CDC20: variants seen among roughly 807,000 people sequenced by gnomAD.
CDC20 encodes the protein cell division cycle 20.
In CDC20, 34 loss-of-function variants were observed where a neutral mutation model predicts 60.0. The ratio of observed to expected loss-of-function variants is 0.57; its 90% CI spans 0.43 to 0.75. CDC20 has a LOEUF of 0.75. Ranked by LOEUF, CDC20 falls within the 30% of genes least tolerant of loss-of-function variation. The pLI is 0.00. For missense variants in CDC20, 469 were observed against 647.3 expected (o/e 0.72, Z 2.99); for synonymous variants, 198 against 243.5 (o/e 0.81, Z 1.74).
At chr1:43,362,874 G>T (rs1205619021) in intron 10 of CDC20, 77 bp from the exon 11 acceptor site, 1 of 1,106,570 alleles carries the variant, frequency 9.0e-7, no homozygotes, top group Non-Finnish European at 1.3e-6. Context: ...AAACAAAAAG[G>T]TAGGTGGGTG....
chr1:43,361,324 T>A (rs1322332040), intron 9 of CDC20, 79 bp downstream of exon 9: 1 of 1,365,118 alleles, frequency 7.3e-7, no homozygotes, highest in African/African-American at 1.5e-5. Flanking sequence ...CTTCACCAAC[T>A]CTATGCCCTG....
rs760396935 is a variant in CDC20 at position 43,360,060 on chromosome 1, C to A, written c.519C>A (p.Asp173Glu). The A allele has an allele frequency of 1.2e-6, 2 of 1,614,118 alleles. No individual in the cohort carries two copies. Among genetic ancestry groups the A allele is most frequent in the African/African-American group, 1.3e-5 (1 of 74,934 alleles). Residue 173 changes from aspartate (D) to glutamate (E), a missense_variant, in exon 5 of 11, where the codon GAC (aspartate) becomes GAA (glutamate). Around this residue, in one of 5 missense-constraint regions of CDC20, gnomAD observed 255 missense variants for 326.7 expected, o/e 0.78. Coordinates refer to ENST00000310955, the MANE Select transcript of CDC20 (RefSeq NM_001255.3). ...GCCGTTACATTCCTTCCCTGCCAGA[C>A]CGTATCCTGGATGCGCCTGAAATCC... ...KTCRYIPSLP[D>E]RILDAPEIRN...
At chr1:43,361,027 A>C (rs1456391038) in intron 8 of CDC20, 66 bp downstream of exon 8, 9 of 1,597,742 alleles carry the variant, frequency 5.6e-6, no homozygotes, top group South Asian at 1.1e-5. Context: ...TTAAGGGGAG[A>C]AGGGATGGTA....
chr1:43,359,269 A>T lies in CDC20; in HGVS notation c.54A>T (p.Ala18=). 1 of 1,611,884 alleles carries T rather than the reference A, an allele frequency of 6.2e-7. No individual in the cohort carries two copies. The highest frequency in any genetic ancestry group is 8.5e-7 in the Non-Finnish European group (1 of 1,179,906). The change falls in exon 2 of 11, where the codon GCA becomes GCT. Residue 18 remains alanine (A), a synonymous_variant. Coordinates refer to ENST00000310955, the MANE Select transcript of CDC20 (RefSeq NM_001255.3). ...SDLHSLLQLD[A]PIPNAPPARW... ...TGCACTCGCTGCTTCAGCTGGATGCACCCATCCCCAATGCACCCCCTGCGC... is the reference window on the plus strand; with the variant it reads ...TGCACTCGCTGCTTCAGCTGGATGCTCCCATCCCCAATGCACCCCCTGCGC...
chr1:43,359,042 T>C, intron 1 of CDC20, 36 bp downstream of exon 1: 1 of 656,128 alleles, frequency 1.5e-6, no homozygotes, highest in Non-Finnish European at 2.6e-6. Context: ...GGTGGGGCCG[T>C]GGCCAGGGGG....
intron 10 of CDC20, among the ~76,000 whole-genome samples, chr1:43,362,514 A>G (rs774779360): frequency 1.3e-5 from 2 of 152,232 alleles, no homozygotes; most frequent in African/African-American, 2.4e-5. Flanking sequence ...TAAACTGTAC[A>G]CTTTAAAAGG....
intron 10 of CDC20, 130 bp downstream of exon 10, chr1:43,362,442 T>C: frequency 1.6e-6 from 1 of 612,488 alleles, no homozygotes. Context: ...ATGGGAAATG[T>C]TGAAAATGTC....
intron 10 of CDC20, among the ~76,000 whole-genome samples, chr1:43,362,603 G>A (rs1410769907): frequency 1.3e-5 from 2 of 152,110 alleles, no homozygotes; most frequent in African/African-American, 2.4e-5. Flanking sequence ...GGTGGCTCAC[G>A]CCTGTAATCC....
rs1647155897 is a variant in CDC20 at position 43,359,025 on chromosome 1, G to A, written c.-50+19G>A. ...GGGCACGGTGAGAGGTGGTGGGGCT[G>A]AGCCGAGGTGGGGCCGTGGCCAGGG... On this transcript the variant is annotated intron_variant, in intron 1 of 10. Coordinates refer to ENST00000310955, the MANE Select transcript of CDC20 (RefSeq NM_001255.3). The A allele has an allele frequency of 1.9e-5, 12 of 624,758 alleles. No homozygotes were observed. In the East Asian group the frequency reaches 2.5e-4, roughly 13 times the overall value. The allele number at this position is 624,758 out of a possible 1,614,324, so 38.7% of individuals were successfully genotyped here.
rs1313097986 is a variant in CDC20 at position 43,361,135 on chromosome 1, C to G, written c.1093C>G (p.Pro365Ala). ...TTCCATCTAGGCCGTAGCATGGTGT[C>G]CCTGGCAGTCCAATGTCCTGGCAAC... ...QGAVKAVAWC[P>A]WQSNVLATGG... Residue 365 changes from proline (P) to alanine (A), a missense_variant, in exon 9 of 11, where the codon CCC becomes GCC. Coordinates refer to ENST00000310955, the MANE Select transcript of CDC20 (RefSeq NM_001255.3). 6.2e-6 allele frequency: 10 copies of G among 1,614,094 alleles called. No homozygotes were observed. The highest frequency in any genetic ancestry group is 8.5e-6 in the Non-Finnish European group (10 of 1,180,012).
In CDC20 at chr1:43,359,739, C is replaced by T. The variant is rs781575699; in HGVS notation, c.345C>T (p.Ala115=). The change falls in exon 4 of 11, where the codon GCC becomes GCT. Residue 115 remains alanine (A), a synonymous_variant. Coordinates refer to ENST00000310955, the MANE Select transcript of CDC20 (RefSeq NM_001255.3). ...CTTTATGCCAGGAACATCAGAAAGCCTGGGCTTTGAACCTGAACGGTTTTG... is the reference window on the plus strand; with the variant it reads ...CTTTATGCCAGGAACATCAGAAAGCTTGGGCTTTGAACCTGAACGGTTTTG... ...QTPTKKEHQK[A]WALNLNGFDV... is the part of the protein sequence containing the mutation. 6.7e-5 allele frequency: 108 copies of T among 1,613,942 alleles called. No individual in the cohort carries two copies. The East Asian group carries it at 2.3e-3, about 35-fold the overall frequency.
rs1027126370 is a variant in CDC20, at chr1:43,362,899, T to C, written c.1322-52T>C. 2.8e-5 allele frequency: 39 copies of C among 1,399,870 alleles called. 1 individual carries two copies. The South Asian group carries it at 5.4e-4, about 19-fold the overall frequency. The allele number at this position is 1,399,870 out of a possible 1,614,324, so 86.7% of individuals were successfully genotyped here. On this transcript the variant is annotated intron_variant, in intron 10 of 10. Transcript: ENST00000310955. The stretch of plus-strand genomic sequence containing the variant: ...GTAGGTGGGTGGCCCAGTGCCTCCT[T>C]TATGGCTATGGCTGCATCAGCATTC...
chr1:43,359,700 G>A (rs759630346), intron 3 of CDC20, 25 bp from the exon 4 acceptor site: 2 of 1,613,742 alleles, frequency 1.2e-6, no homozygotes, highest in East Asian at 4.5e-5. Flanking sequence ...ATACCATCTT[G>A]CTCCTTCACT....
At chr1:43,361,007 C>T (rs554304518) in intron 8 of CDC20, 46 bp downstream of exon 8, 7 of 1,592,200 alleles carry the variant, frequency 4.4e-6, no homozygotes, top group Non-Finnish European at 6.0e-6. Flanking sequence ...CACCTATAAT[C>T]TGGGGACTGT....
chr1:43,360,626 A>G, intron 7 of CDC20, 33 bp downstream of exon 7: 1 of 1,590,844 alleles, frequency 6.3e-7, no homozygotes, highest in Non-Finnish European at 8.6e-7. Flanking sequence ...TGGTAGTCTG[A>G]TATTTGCCCA....
intron 4 of CDC20, 50 bp downstream of exon 4, chr1:43,359,871 A>G: frequency 1.2e-6 from 2 of 1,608,790 alleles, no homozygotes; most frequent in Non-Finnish European, 1.7e-6. Flanking sequence ...GTTCATCTCC[A>G]GGGCTGAGCA....
intron 9 of CDC20, among the ~76,000 whole-genome samples, chr1:43,361,600 GA>G (rs2153922481): frequency 6.6e-6 from 1 of 152,248 alleles, no homozygotes; most frequent in East Asian, 1.9e-4. Flanking sequence ...AAATATCATT[GA>G]CATCTGTCCC....
At chr1:43,361,074 C>T in intron 8 of CDC20, 46 bp from the exon 9 acceptor site, 1 of 1,612,884 alleles carries the variant, frequency 6.2e-7, no homozygotes, top group Non-Finnish European at 8.5e-7. Context: ...CCTAGAGCTC[C>T]TTGTCTGGCT....
Position 43,362,943 on chromosome 1 carries a change from T to C in CDC20, c.1322-8T>C. 6.3e-7 allele frequency: 1 copy of C among 1,583,804 alleles called. No homozygotes were observed. Among genetic ancestry groups the C allele is most frequent in the Non-Finnish European group, 8.6e-7 (1 of 1,168,968 alleles). ...AGCATTCGTATGTACTGTTCTCATT[T>C]GCTCCAGGTCACACATCCCGGGTCC... On this transcript the variant is annotated splice_polypyrimidine_tract_variant and splice_region_variant and intron_variant, in intron 10 of 10. Coordinates refer to ENST00000310955, the MANE Select transcript of CDC20 (RefSeq NM_001255.3).
Sources: allele counts gnomAD v4.1 joint callset (sites outside exome capture counted in the v4.1 genomes callset), GRCh38; gene constraint gnomAD v4.1.1; regional missense constraint gnomAD v4.1.1; transcripts MANE v1.5; gene names NCBI Gene and HGNC (gene_info 2026-07-23, HGNC 2026-07-21).